The following RNF180 variants were observed in gnomAD, a reference collection of about 807,000 sequenced individuals.
RNF180 encodes E3 ubiquitin-protein ligase RNF180.
Under a neutral mutation model 59.2 loss-of-function variants are expected in RNF180, and 38 were observed. The ratio of observed to expected loss-of-function variants is 0.64; its 90% CI spans 0.50 to 0.84. RNF180 has a LOEUF of 0.84. Ranked by LOEUF, RNF180 falls within the 40% of genes least tolerant of loss-of-function variation. RNF180 has a pLI of 0.00. For synonymous variants in RNF180, 262 were observed against 240.3 expected (o/e 1.09, Z -0.84); for missense variants, 705 against 700.9 (o/e 1.01, Z -0.07).
intron 1 of RNF180, among the ~76,000 whole-genome samples, chr5:64,191,644 T>C (rs932589431): frequency 6.6e-6 from 1 of 152,240 alleles, no homozygotes; most frequent in African/African-American, 2.4e-5. Context: ...CAGTGTTTAA[T>C]TGGCTTATGT....
At chr5:64,225,309 G>T (rs995705578) in intron 5 of RNF180, among the ~76,000 whole-genome samples, 2 of 151,146 alleles carry the variant, frequency 1.3e-5, no homozygotes, top group Admixed American at 6.6e-5. Flanking sequence ...CGTCTGGGAA[G>T]TGTGGAGCGC....
At chr5:64,356,452 T>C (rs902250046) in intron 7 of RNF180, among the ~76,000 whole-genome samples, 2 of 151,848 alleles carry the variant, frequency 1.3e-5, no homozygotes, top group Admixed American at 1.3e-4. Context: ...GAAATGTAAA[T>C]TCCTCGAAAA....
intron 5 of RNF180, among the ~76,000 whole-genome samples, chr5:64,263,411 C>G (rs1744465023): frequency 6.6e-6 from 1 of 152,116 alleles, no homozygotes; most frequent in South Asian, 2.1e-4. Context: ...ACAGTTAGCT[C>G]TTTTGAGTTA....
intron 5 of RNF180, among the ~76,000 whole-genome samples, chr5:64,253,971 T>C (rs1049509084): frequency 2.0e-5 from 3 of 152,146 alleles, no homozygotes. Context: ...TATATTAAAT[T>C]TACCCTTACC....
intron 5 of RNF180, among the ~76,000 whole-genome samples, chr5:64,294,895 G>T (rs757517372): frequency 3.3e-5 from 5 of 151,926 alleles, no homozygotes; most frequent in African/African-American, 9.7e-5. Context: ...GACATAAAGC[G>T]TATTACTCTG....
chr5:64,204,659 A>G (rs1579995552), intron 2 of RNF180, among the ~76,000 whole-genome samples: 2 of 152,130 alleles, frequency 1.3e-5, no homozygotes, highest in Non-Finnish European at 2.9e-5. Context: ...TCTTTGTTGA[A>G]AAGAAATTCA....
intron 5 of RNF180, among the ~76,000 whole-genome samples, chr5:64,232,919 T>C (rs1742185828): frequency 6.6e-6 from 1 of 152,206 alleles, no homozygotes; most frequent in African/African-American, 2.4e-5. Context: ...GTGATGAAGC[T>C]TGAAATCAAA....
At chr5:64,272,092 T>C (rs1292707663) in intron 5 of RNF180, among the ~76,000 whole-genome samples, 2 of 152,078 alleles carry the variant, frequency 1.3e-5, no homozygotes, top group African/African-American at 4.8e-5. Context: ...TAATAGATAA[T>C]GTACTAGACA....
At chr5:64,284,958 A>C (rs1040041939) in intron 5 of RNF180, among the ~76,000 whole-genome samples, 23 of 152,150 alleles carry the variant, frequency 1.5e-4, no homozygotes, top group African/African-American at 5.3e-4. Context: ...GCTGATGTTT[A>C]ATCTTTGAAG....
At chr5:64,256,481 C>T (rs925144080) in intron 5 of RNF180, among the ~76,000 whole-genome samples, 5 of 152,034 alleles carry the variant, frequency 3.3e-5, no homozygotes, top group African/African-American at 4.8e-5. Context: ...TTGCTTGTTT[C>T]TGTCAGGTTT....
intron 5 of RNF180, among the ~76,000 whole-genome samples, chr5:64,285,801 T>A (rs1382164230): frequency 6.6e-6 from 1 of 152,148 alleles, no homozygotes; most frequent in African/African-American, 2.4e-5. Context: ...AAGAGCATGG[T>A]GAGCCTTGGG....
intron 4 of RNF180, among the ~76,000 whole-genome samples, chr5:64,216,612 C>G (rs893717586): frequency 6.6e-6 from 1 of 152,134 alleles, no homozygotes; most frequent in African/African-American, 2.4e-5. Context: ...TTTCAGTAAT[C>G]TATGCCATGA....
intron 7 of RNF180, among the ~76,000 whole-genome samples, chr5:64,341,893 A>T (rs1187848943): frequency 6.6e-6 from 1 of 152,198 alleles, no homozygotes; most frequent in Non-Finnish European, 1.5e-5. Flanking sequence ...CATTTGAGAC[A>T]CAGTAGCAAA....
intron 5 of RNF180, among the ~76,000 whole-genome samples, chr5:64,264,649 G>A (rs1744553990): frequency 6.6e-6 from 1 of 152,102 alleles, no homozygotes; most frequent in African/African-American, 2.4e-5. Flanking sequence ...ATTTGGGTTG[G>A]TTCCACATCT....
At chr5:64,254,227 G>C (rs947211385) in intron 5 of RNF180, among the ~76,000 whole-genome samples, 10 of 152,148 alleles carry the variant, frequency 6.6e-5, no homozygotes, top group African/African-American at 2.4e-4. Flanking sequence ...TCCACCTTTA[G>C]CTGTTTTAAG....
At chr5:64,282,635 A>G (rs2112393995) in intron 5 of RNF180, among the ~76,000 whole-genome samples, 1 of 152,100 alleles carries the variant, frequency 6.6e-6, no homozygotes, top group African/African-American at 2.4e-5. Context: ...TTAGGTTGTT[A>G]ATTTGAGATC....
chr5:64,217,460 T>G (rs1752692970), intron 5 of RNF180, 64 bp downstream of exon 5: 1 of 1,327,754 alleles, frequency 7.5e-7, no homozygotes, highest in Admixed American at 3.4e-5. Context: ...TGTACCATTT[T>G]GCATTCCAAG....
At chr5:64,237,751 T>C (rs1426879138) in intron 5 of RNF180, among the ~76,000 whole-genome samples, 1 of 152,196 alleles carries the variant, frequency 6.6e-6, no homozygotes, top group Non-Finnish European at 1.5e-5. Flanking sequence ...TCTCCCTCAC[T>C]GTTTTTGTGA....
intron 5 of RNF180, among the ~76,000 whole-genome samples, chr5:64,222,791 A>G (rs552435353): frequency 1.3e-5 from 2 of 152,352 alleles, no homozygotes; most frequent in Non-Finnish European, 2.9e-5. Flanking sequence ...CCAGCCTTGT[A>G]AATGAAGACA....
Sources: allele counts gnomAD v4.1 joint callset (sites outside exome capture counted in the v4.1 genomes callset), GRCh38; gene constraint gnomAD v4.1.1; transcripts MANE v1.5; gene names NCBI Gene and HGNC (gene_info 2026-07-23, HGNC 2026-07-21).